The following ZNF300 variants were observed in gnomAD, a reference collection of about 807,000 sequenced individuals.
ZNF300 encodes the protein kruppel-like zinc finger protein.
ZNF300 carries 6 observed loss-of-function variants against 13.9 expected under a neutral mutation model. The observed-to-expected ratio is 0.43, with a 90% CI of 0.24 to 0.85. The LOEUF is 0.85. Among genes scored for constraint, ZNF300 ranks in the 40% least tolerant of loss-of-function variants. The pLI is 0.25. For missense variants in ZNF300, 662 were observed against 714.2 expected (o/e 0.93, Z 0.83); for synonymous variants, 237 against 242.2 (o/e 0.98, Z 0.20).
rs780375355 is a variant in ZNF300, at chr5:150,896,444, T to C, written c.795A>G (p.Lys265=). ...ATGTAACACATACACAGCTTTTCTC[T>C]TTAGTTTCCACATTCTGATATTGAA... ...SLIQYQNVET[K]EKSCVCVTCG... Residue 265 remains lysine, a synonymous_variant, in exon 6 of 6, where the codon AAA becomes AAG. Coordinates refer to ENST00000274599, the MANE Select transcript of ZNF300 (RefSeq NM_052860.4). 1.9e-6 allele frequency: 3 copies of C among 1,613,656 alleles called. No homozygotes were observed. The highest frequency in any genetic ancestry group is 1.1e-5 in the South Asian group (1 of 91,046).
In ZNF300 at chr5:150,896,958, AG is replaced by A. The variant is rs1258028909; in HGVS notation, c.280del (p.Leu94PhefsTer19). 2 of 1,610,294 alleles carry A rather than the reference AG, an allele frequency of 1.2e-6. No homozygotes were observed. The highest frequency in any genetic ancestry group is 1.7e-6 in the Non-Finnish European group (2 of 1,178,332). Reference sequence around the variant, plus strand: ...CAAAATACATGACTGGGAGTTGTGAAGGTTACTCTTCCTGTCTAAAAGAAGA... The same window carrying A: ...CAAAATACATGACTGGGAGTTGTGAAGTTACTCTTCCTGTCTAAAAGAAGA... ...ADGRQDRKSN[L>X]HNSQSCILGT... On this transcript the variant is annotated frameshift_variant, in exon 6 of 6. Coordinates refer to ENST00000274599, the MANE Select transcript of ZNF300 (RefSeq NM_052860.4). LOFTEE classifies it low-confidence loss of function (END_TRUNC).
In ZNF300 at chr5:150,894,777, T is replaced by G. The variant is rs1335142560; in HGVS notation, c.*647A>C. ...GGATTAAACCCAAGGCCATCTGGCC[T>G]CAGTGCCAATGTTTTTCAGCTCCAA... On this transcript the variant is annotated 3_prime_UTR_variant, in exon 6 of 6. Coordinates refer to ENST00000274599, the MANE Select transcript of ZNF300 (RefSeq NM_052860.4). The G allele has an allele frequency of 6.6e-6, 1 of 152,316 alleles. No individual in the cohort carries two copies. Among genetic ancestry groups the G allele is most frequent in the African/African-American group, 2.4e-5 (1 of 41,458 alleles). 9.4% of individuals were successfully genotyped at this position (152,316 alleles called of 1,614,324 possible). A position where few individuals can be genotyped will look rare whatever the true frequency, so the allele number is the denominator to read the frequency against.
intron 4 of ZNF300, 60 bp from the exon 5 acceptor site, chr5:150,898,244 G>T: frequency 6.2e-7 from 1 of 1,604,800 alleles, no homozygotes; most frequent in East Asian, 2.2e-5. Flanking sequence ...AAGAGAAGGT[G>T]CAGTTTCAGA....
chr5:150,896,689 A>G lies in ZNF300; in HGVS notation c.550T>C (p.Phe184Leu). The G allele has an allele frequency of 6.2e-7, 1 of 1,613,520 alleles. No individual in the cohort carries two copies. Among genetic ancestry groups the G allele is most frequent in the Non-Finnish European group, 8.5e-7 (1 of 1,179,740 alleles). Residue 184 changes from phenylalanine (F) to leucine (L), a missense_variant, in exon 6 of 6, where the codon TTC becomes CTC. Physicochemically the swap from Phe to Leu is conservative, Grantham distance 22. Coordinates refer to ENST00000274599, the MANE Select transcript of ZNF300 (RefSeq NM_052860.4). ...CIETDISIQRFHKYDAFKKNL... is the reference protein window; with the variant it reads ...CIETDISIQRLHKYDAFKKNL... ...TTTTTAAAAGCATCATATTTATGGA[A>G]TCTCTGTATTGATATATCTGTTTCT... is the stretch of plus-strand genomic sequence containing the variant.
At position 150,895,586 on chromosome 5, in the gene ZNF300, A is replaced by G. The variant is rs746948110; in HGVS notation, c.1653T>C (p.Cys551=). Residue 551 remains cysteine, a synonymous_variant, in exon 6 of 6, where the codon TGT becomes TGC. Coordinates refer to ENST00000274599, the MANE Select transcript of ZNF300 (RefSeq NM_052860.4). ...GAGAAAAGGCCTTTCCACATTCAGC[A>G]CATATGTAAGGTTTCTCTCCTGTAT... is the stretch of plus-strand genomic sequence containing the variant. ...RIHTGEKPYI[C]AECGKAFSQK... 2.9e-5 allele frequency: 47 copies of G among 1,613,436 alleles called. No homozygotes were observed. Among genetic ancestry groups the G allele is most frequent in the Non-Finnish European group, 3.7e-5 (44 of 1,179,784 alleles).
At position 150,904,947 on chromosome 5, in the gene ZNF300, G is replaced by A. The variant is rs927514811; in HGVS notation, c.-385C>T. 1.3e-5 allele frequency: 2 copies of A among 152,360 alleles called. No homozygotes were observed. The highest frequency in any genetic ancestry group is 1.3e-4 in the Admixed American group (2 of 15,286). 9.4% of individuals were successfully genotyped at this position (152,360 alleles called of 1,614,324 possible). On this transcript the variant is annotated 5_prime_UTR_variant, in exon 1 of 6. Transcript: ENST00000274599. ...CTGCTCCCTGGAGCTGTTTCCGCAT[G>A]GGGCCGCCATCTTGAGAGCCCGGTC...
In ZNF300 at chr5:150,896,069, A is replaced by G; in HGVS notation, c.1170T>C (p.Phe390=). Residue 390 remains phenylalanine (F), a synonymous_variant, in exon 6 of 6, where the codon TTT becomes TTC. Transcript: ENST00000274599. ...GTATAATCAGCTGTGACTTCTGGGA[A>G]AAGGCCTTCCCACACTCTCTACATT... is the stretch of plus-strand genomic sequence containing the variant. ...PYECRECGKA[F]SQKSQLIIHH... is the part of the protein sequence containing the mutation. The G allele has an allele frequency of 6.2e-7, 1 of 1,613,214 alleles. No homozygotes were observed. The highest frequency in any genetic ancestry group is 8.5e-7 in the Non-Finnish European group (1 of 1,179,684).
chr5:150,903,382 A>C (rs927921491), intron 2 of ZNF300, 200 bp from the exon 3 acceptor site: 1 of 1,541,262 alleles, frequency 6.5e-7, no homozygotes, highest in Non-Finnish European at 8.7e-7. Flanking sequence ...CTCCTCTTGT[A>C]CCTATAATAT....
At position 150,896,299 on chromosome 5, in the gene ZNF300, C is replaced by A. The variant is rs772383878; in HGVS notation, c.940G>T (p.Val314Leu). The change falls in exon 6 of 6, where the codon GTA (valine) becomes TTA (leucine). Residue 314 changes from valine (V) to leucine (L), a missense_variant. Transcript: ENST00000274599. ...TCCCCAGTATGAGTTCTCTGATGTA[C>A]AACAAGATGAAACTTCTCACTGAAG... Reference protein sequence around the residue: ...KAFSEKFHLVVHQRTHTGEKP... With the variant: ...KAFSEKFHLVLHQRTHTGEKP... 1 of 1,613,472 alleles carries A rather than the reference C, an allele frequency of 6.2e-7. No individual in the cohort carries two copies. Among genetic ancestry groups the A allele is most frequent in the Admixed American group, 1.7e-5 (1 of 59,920 alleles).
chr5:150,895,840 A>C lies in ZNF300; in HGVS notation c.1399T>G (p.Cys467Gly). The change falls in exon 6 of 6, where the codon TGT becomes GGT. Residue 467 changes from cysteine (C) to glycine (G), a missense_variant. Physicochemically the swap from Cys to Gly is radical, Grantham distance 159 (BLOSUM62 -3). Coordinates refer to ENST00000274599, the MANE Select transcript of ZNF300 (RefSeq NM_052860.4). The part of the protein sequence containing the change: ...LVHTGEKPYE[C>G]TECGKTFSRK... Reference sequence around the variant, plus strand: ...GAGAATGTCTTTCCACATTCAGTACATTCATAAGGTTTTTCCCCAGTATGA... The same window carrying C: ...GAGAATGTCTTTCCACATTCAGTACCTTCATAAGGTTTTTCCCCAGTATGA... The C allele has an allele frequency of 6.2e-7, 1 of 1,613,678 alleles. No individual in the cohort carries two copies. Among genetic ancestry groups the C allele is most frequent in the Non-Finnish European group, 8.5e-7 (1 of 1,179,848 alleles).
intron 3 of ZNF300, among the ~76,000 whole-genome samples, chr5:150,900,992 T>TA (rs754745569): frequency 1.3e-5 from 2 of 152,104 alleles, no homozygotes; most frequent in African/African-American, 4.8e-5. Context: ...AAACAATTTT[T>TA]ACAGCTCAGG....
intron 5 of ZNF300, 74 bp downstream of exon 5, chr5:150,897,988 G>C (rs1288964382): frequency 6.6e-7 from 1 of 1,524,052 alleles, no homozygotes; most frequent in Non-Finnish European, 8.8e-7. Context: ...AAGAATAGGA[G>C]ATTTTGATAA....
At position 150,895,983 on chromosome 5, in the gene ZNF300, C is replaced by A. The variant is rs191242853; in HGVS notation, c.1256G>T (p.Cys419Phe). 6.2e-7 allele frequency: 1 copy of A among 1,613,276 alleles called. No individual in the cohort carries two copies. Among genetic ancestry groups the A allele is most frequent in the Non-Finnish European group, 8.5e-7 (1 of 1,179,712 alleles). ...YECTECGKAF[C>F]EKSHLIIHKR... ...ATGTATAATGAGGTGGGACTTCTCA[C>A]AGAAGGCTTTCCCACATTCGGTACA... is the stretch of plus-strand genomic sequence containing the variant. Residue 419 changes from cysteine to phenylalanine, a missense_variant, in exon 6 of 6, where the codon TGT (cysteine) becomes TTT (phenylalanine). Physicochemically the swap from Cys to Phe is radical, Grantham distance 205. Transcript: ENST00000274599.
chr5:150,896,112 G>T lies in ZNF300; in HGVS notation c.1127C>A (p.Thr376Asn). The T allele has an allele frequency of 6.2e-7, 1 of 1,613,416 alleles. No homozygotes were observed. Among genetic ancestry groups the T allele is most frequent in the Non-Finnish European group, 8.5e-7 (1 of 1,179,732 alleles). ...TCTACATTCATAGGGTTTTTCCCCA[G>T]TATGTATTCTCTGATGTATAATGAG... ...SPLIIHQRIH[T>N]GEKPYECREC... The change falls in exon 6 of 6, where the codon ACT becomes AAT. Residue 376 changes from threonine to asparagine, a missense_variant. Transcript: ENST00000274599.
intron 3 of ZNF300, 68 bp downstream of exon 3, chr5:150,903,073 C>T: frequency 6.6e-7 from 1 of 1,514,706 alleles, no homozygotes; most frequent in Non-Finnish European, 9.1e-7. Flanking sequence ...TTTTAGCTAA[C>T]TTTACTTTCC....
intron 3 of ZNF300, among the ~76,000 whole-genome samples, chr5:150,898,838 T>C (rs1754891862): frequency 6.6e-6 from 1 of 151,916 alleles, no homozygotes; most frequent in Admixed American, 6.6e-5. Context: ...CAATGAATAG[T>C]AAAGAGGAAA....
Position 150,895,677 on chromosome 5 carries a change from T to A in ZNF300, c.1562A>T (p.Tyr521Phe). 6.2e-7 allele frequency: 1 copy of A among 1,613,500 alleles called. No individual in the cohort carries two copies. Among genetic ancestry groups the A allele is most frequent in the Non-Finnish European group, 8.5e-7 (1 of 1,179,782 alleles). ...HQRIHTGEKP[Y>F]ICTECGKAFS... The stretch of plus-strand genomic sequence containing the variant: ...GGCTTTCCCACATTCAGTACATATA[T>A]AAGGTTTTTCTCCTGTGTGAATTCT... The change falls in exon 6 of 6, where the codon TAT becomes TTT. Residue 521 changes from tyrosine (Y) to phenylalanine (F), a missense_variant. Physicochemically the swap from Tyr to Phe is conservative, Grantham distance 22. Transcript: ENST00000274599.
At position 150,895,572 on chromosome 5, in the gene ZNF300, T is replaced by C. The variant is rs1561754386; in HGVS notation, c.1667A>G (p.Lys556Arg). Reference sequence around the variant, plus strand: ...AAGGTCTGACTTCTGAGAAAAGGCCTTTCCACATTCAGCACATATGTAAGG... The same window carrying C: ...AAGGTCTGACTTCTGAGAAAAGGCCCTTCCACATTCAGCACATATGTAAGG... The part of the protein sequence containing the change: ...EKPYICAECG[K>R]AFSQKSDLVL... Residue 556 changes from lysine to arginine, a missense_variant, in exon 6 of 6, where the codon AAG becomes AGG. Lys to Arg is a conservative substitution (Grantham distance 26). Transcript: ENST00000274599. 2 of 1,613,568 alleles carry C rather than the reference T, an allele frequency of 1.2e-6. No homozygotes were observed. Among genetic ancestry groups the C allele is most frequent in the Non-Finnish European group, 1.7e-6 (2 of 1,179,768 alleles).
Position 150,904,401 on chromosome 5 carries a change from G to A in ZNF300, c.-142+303C>T, listed in dbSNP as rs78173699. On this transcript the variant is annotated intron_variant, in intron 1 of 5. Coordinates refer to ENST00000274599, the MANE Select transcript of ZNF300 (RefSeq NM_052860.4). The stretch of plus-strand genomic sequence containing the variant: ...CATATACCCTACTGAACTCCCCCAT[G>A]TCCATCACATCACTGAACACATGGA... Among the ~76,000 whole-genome samples the A allele has an allele frequency of 5.5e-3, 836 of 151,456 alleles. 10 individuals carry two copies. Among genetic ancestry groups the A allele is most frequent in the African/African-American group, 0.019 (791 of 41,188 alleles).
Sources: gnomAD v4.1 joint callset for allele counts (sites outside exome capture counted in the v4.1 genomes callset) on GRCh38, gnomAD v4.1.1 for gene constraint, MANE v1.5 for transcripts, NCBI Gene and HGNC (gene_info 2026-07-23, HGNC 2026-07-21) for gene names.